The following LRMDA variants were observed in gnomAD, a reference collection of about 807,000 sequenced individuals.
LRMDA encodes leucine-rich melanocyte differentiation-associated protein.
A neutral mutation model predicts 29.8 loss-of-function variants in LRMDA; 18 were observed. That is an observed-to-expected ratio of 0.60 (90% CI 0.42 to 0.90). The LOEUF (loss-of-function observed/expected upper bound fraction) is 0.90, where lower values mean the gene tolerates loss of function less well. Ranked by LOEUF, LRMDA falls within the 40% of genes least tolerant of loss-of-function variation. The pLI, the probability that LRMDA is intolerant of heterozygous loss-of-function variation, is 0.00. For missense variants in LRMDA, 273 were observed against 273.9 expected (o/e 1.00, Z 0.02); for synonymous variants, 125 against 109.4 (o/e 1.14, Z -0.89).
chr10:75,451,142 C>G (rs1844455893), intron 2 of LRMDA: 1 of 152,192 alleles, frequency 6.6e-6, no homozygotes, highest in Non-Finnish European at 1.5e-5. Context: ...AAGCAGTTAT[C>G]TCTTCTCAAA....
chr10:76,098,356 A>G lies in LRMDA; in HGVS notation c.516+39573A>G, dbSNP rs116310163. Among the ~76,000 whole-genome samples, 297 of 152,310 alleles carry G rather than the reference A, an allele frequency of 1.9e-3. 4 individuals carry two copies. The highest frequency in any genetic ancestry group is 7.0e-3 in the African/African-American group (289 of 41,578). On this transcript the variant is annotated intron_variant, in intron 5 of 6. Coordinates refer to ENST00000611255, the MANE Select transcript of LRMDA (RefSeq NM_001305581.2). ...GTTGTCAGAAGATTTTTAACTACAA[A>G]TACAATTTCTTTAATTGGCAGAGGG...
At chr10:76,492,225 A>T (rs1842840452) in intron 6 of LRMDA, among the ~76,000 whole-genome samples, 3 of 152,022 alleles carry the variant, frequency 2.0e-5, no homozygotes, top group African/African-American at 7.2e-5. Flanking sequence ...TTGTGAGGTC[A>T]TGTTTTCCTG....
intron 5 of LRMDA, among the ~76,000 whole-genome samples, chr10:76,190,248 C>T (rs938077399): frequency 6.6e-6 from 1 of 152,048 alleles, no homozygotes; most frequent in Non-Finnish European, 1.5e-5. Flanking sequence ...AAAATTTCCA[C>T]TCGGATTTTT....
chr10:75,941,141 T>C (rs1846383914), intron 2 of LRMDA, among the ~76,000 whole-genome samples: 1 of 152,198 alleles, frequency 6.6e-6, no homozygotes, highest in Admixed American at 6.5e-5. Context: ...AGATGCAAGC[T>C]AGCCACCTTA....
chr10:75,783,127 G>T (rs539474146), intron 2 of LRMDA: 31 of 1,332,156 alleles, frequency 2.3e-5, no homozygotes, highest in African/African-American at 2.3e-4. Flanking sequence ...CTTGATGAGC[G>T]AGATGATTGA....
chr10:76,323,117 A>G (rs549998642), intron 5 of LRMDA, among the ~76,000 whole-genome samples: 1 of 152,128 alleles, frequency 6.6e-6, no homozygotes, highest in East Asian at 1.9e-4. Context: ...AACACCATAT[A>G]TTTGCCTTGG....
At chr10:76,407,306 TA>T (rs1264789942) in intron 6 of LRMDA, among the ~76,000 whole-genome samples, 1 of 152,224 alleles carries the variant, frequency 6.6e-6, no homozygotes, top group Non-Finnish European at 1.5e-5. Context: ...TATTTGCTTT[TA>T]AATAATAATA....
chr10:75,788,163 C>T (rs190586402), intron 2 of LRMDA, among the ~76,000 whole-genome samples: 57 of 152,288 alleles, frequency 3.7e-4, no homozygotes, highest in African/African-American at 1.2e-3. Flanking sequence ...ATTGTGCCAC[C>T]GCACTGCAGC....
Position 76,128,071 on chromosome 10 carries a change from A to T in LRMDA, c.516+69288A>T, listed in dbSNP as rs181190393. Among the ~76,000 whole-genome samples, 29 of 152,358 alleles carry T rather than the reference A, an allele frequency of 1.9e-4. No individual in the cohort carries two copies. The East Asian group carries it at 5.2e-3, about 27-fold the overall frequency. On this transcript the variant is annotated intron_variant, in intron 5 of 6. Coordinates refer to ENST00000611255, the MANE Select transcript of LRMDA (RefSeq NM_001305581.2). ...AAATCAAAGTCTGGTAGTTTTGTTT[A>T]GAGGTGAAAGGAGAGAATTGGCAAA... is the stretch of plus-strand genomic sequence containing the variant.
chr10:75,558,237 C>G (rs781299197), intron 2 of LRMDA, among the ~76,000 whole-genome samples: 7 of 151,324 alleles, frequency 4.6e-5, no homozygotes, highest in Non-Finnish European at 7.4e-5. Context: ...AAGTACCTCC[C>G]TGAAAATTAG....
chr10:76,352,506 A>G (rs1429654566), intron 6 of LRMDA, among the ~76,000 whole-genome samples: 1 of 152,036 alleles, frequency 6.6e-6, no homozygotes, highest in South Asian at 2.1e-4. Context: ...GGACATAGCG[A>G]TGACTCACAT....
intron 2 of LRMDA, among the ~76,000 whole-genome samples, chr10:75,512,600 C>T (rs906510758): frequency 2.6e-5 from 4 of 152,182 alleles, no homozygotes; most frequent in African/African-American, 9.6e-5. Context: ...GCGAGTGAGT[C>T]GTGATGGTTC....
chr10:75,438,613 G>T, intron 2 of LRMDA, 119 bp downstream of exon 2: 1 of 744,100 alleles, frequency 1.3e-6, no homozygotes, highest in Non-Finnish European at 2.3e-6. Flanking sequence ...CTTTTATTCA[G>T]CAGAAGGCTC....
intron 2 of LRMDA, among the ~76,000 whole-genome samples, chr10:75,557,202 T>A (rs1215676033): frequency 1.3e-5 from 2 of 152,050 alleles, no homozygotes; most frequent in East Asian, 3.9e-4. Context: ...TAATCCCATT[T>A]ACTTGGGAGG....
chr10:75,515,705 T>C (rs922204428), intron 2 of LRMDA, among the ~76,000 whole-genome samples: 1 of 151,560 alleles, frequency 6.6e-6, no homozygotes, highest in Non-Finnish European at 1.5e-5. Flanking sequence ...TTCTTTTTTC[T>C]TTTTTTTTAA....
rs116183470 is a variant in LRMDA, at chr10:76,505,457, T to C, written c.602-51752T>C. On this transcript the variant is annotated intron_variant, in intron 6 of 6. Coordinates refer to ENST00000611255, the MANE Select transcript of LRMDA (RefSeq NM_001305581.2). ...TATTTCTCAGATGTTTTGTTCATTT[T>C]TTAAAAATTATTTTTTAAAAAATTT... Among the ~76,000 whole-genome samples, 511 of 152,230 alleles carry C rather than the reference T, an allele frequency of 3.4e-3. 1 individual carries two copies. Among genetic ancestry groups the C allele is most frequent in the African/African-American group, 0.012 (488 of 41,576 alleles).
chr10:76,015,608 G>A (rs1435820465), intron 2 of LRMDA, among the ~76,000 whole-genome samples: 2 of 152,138 alleles, frequency 1.3e-5, no homozygotes, highest in African/African-American at 4.8e-5. Context: ...GAAGCAAGTC[G>A]AGAGGTCCAG....
chr10:75,884,011 C>T (rs1339884204), intron 2 of LRMDA, among the ~76,000 whole-genome samples: 1 of 151,816 alleles, frequency 6.6e-6, no homozygotes, highest in African/African-American at 2.4e-5. Flanking sequence ...TTTTGACCTT[C>T]CATAAGCTGC....
chr10:75,855,630 G>A (rs1844812358), intron 2 of LRMDA, among the ~76,000 whole-genome samples: 1 of 152,196 alleles, frequency 6.6e-6, no homozygotes, highest in Non-Finnish European at 1.5e-5. Context: ...TAGACATGAA[G>A]TCCTTGGCCA....
Sources: gnomAD v4.1 joint callset for allele counts (sites outside exome capture counted in the v4.1 genomes callset) on GRCh38, gnomAD v4.1.1 for gene constraint, MANE v1.5 for transcripts, NCBI Gene and HGNC (gene_info 2026-07-23, HGNC 2026-07-21) for gene names.